The following KIF1B variants were observed in gnomAD, a reference collection of about 807,000 sequenced individuals.
KIF1B encodes kinesin-like protein KIF1B.
A neutral mutation model predicts 241.9 loss-of-function variants in KIF1B; 76 were observed. The ratio of observed to expected loss-of-function variants is 0.31; its 90% CI spans 0.26 to 0.38. KIF1B has a LOEUF of 0.38. Ranked by LOEUF, KIF1B falls within the 10% of genes least tolerant of loss-of-function variation. The probability of loss-of-function intolerance (pLI) is 1.00; values close to 1 mark genes in which losing one functional copy is unlikely to be tolerated. For synonymous variants in KIF1B, 750 were observed against 796.7 expected (o/e 0.94, Z 0.99); for missense variants, 1,622 against 2,271.4 (o/e 0.71, Z 5.81).
chr1:10,355,598 C>CTAA (rs1223021523), intron 38 of KIF1B, among the ~76,000 whole-genome samples: 1 of 152,104 alleles, frequency 6.6e-6, no homozygotes, highest in Non-Finnish European at 1.5e-5. Context: ...TTTTTCATTC[C>CTAA]ATTTGCTAAA....
chr1:10,347,655 G>A, intron 35 of KIF1B, 106 bp from the exon 36 acceptor site: 1 of 887,752 alleles, frequency 1.1e-6, no homozygotes, highest in South Asian at 1.3e-5. Flanking sequence ...GCCAGCATGG[G>A]TGAGAAAGAC....
At chr1:10,296,506 T>A (rs1339806139) in intron 19 of KIF1B, 76 bp from the exon 20 acceptor site, 7 of 1,239,790 alleles carry the variant, frequency 5.6e-6, no homozygotes, top group Non-Finnish European at 8.2e-6. Context: ...CTGCAAATCC[T>A]GATAAGCAAC....
At position 10,334,149 on chromosome 1, in the gene KIF1B, C is replaced by CAAAAA. The variant is rs372716443; in HGVS notation, c.2925-355_2925-351dup. On this transcript the variant is annotated intron_variant, in intron 27 of 48. Coordinates refer to ENST00000676179, the MANE Select transcript of KIF1B (RefSeq NM_001365951.3). ...CTGGCGACAGAGCGAGACTCTGTCT[C>CAAAAA]AAAAAAAAAAAAAAAAAAAAGGTTG... Among the ~76,000 whole-genome samples the CAAAAA allele has an allele frequency of 4.3e-3, 355 of 82,152 alleles. 3 individuals are homozygous for CAAAAA. Among genetic ancestry groups the CAAAAA allele is most frequent in the South Asian group, 6.9e-3 (14 of 2,026 alleles). The allele number at this position is 82,152 out of a possible 152,430, so 53.9% of individuals were successfully genotyped here.
rs778610644 is a variant in KIF1B, at chr1:10,303,318, A to T, written c.2115+6072A>T. ...CAAGCAGTGGGAAGAAACGTGAACCAATTAAAATGTATCAGATACCCCAAA... is the reference window on the plus strand; with the variant it reads ...CAAGCAGTGGGAAGAAACGTGAACCTATTAAAATGTATCAGATACCCCAAA... On this transcript the variant is annotated intron_variant, in intron 22 of 48. Coordinates refer to ENST00000676179, the MANE Select transcript of KIF1B (RefSeq NM_001365951.3). This position sits in a 1 kb window ranked among gnomAD's most constrained non-coding sequence, Gnocchi z 5.2. The T allele has an allele frequency of 2.5e-5, 40 of 1,614,226 alleles. No individual in the cohort carries two copies. The highest frequency in any genetic ancestry group is 3.4e-5 in the Non-Finnish European group (40 of 1,180,040).
In KIF1B at chr1:10,273,002, T is replaced by C. The variant is rs776038866; in HGVS notation, c.865-12T>C. 2 of 1,544,570 alleles carry C rather than the reference T, an allele frequency of 1.3e-6. No homozygotes were observed. The highest frequency in any genetic ancestry group is 2.4e-5 in the South Asian group (2 of 83,500). Reference sequence around the variant, plus strand: ...TGTTCTTATTTTCTCCTTTAAATGCTTTCACCTGTAGGATAACTGCACTAG... The same window carrying C: ...TGTTCTTATTTTCTCCTTTAAATGCCTTCACCTGTAGGATAACTGCACTAG... On this transcript the variant is annotated splice_polypyrimidine_tract_variant and intron_variant, in intron 9 of 48. Transcript: ENST00000676179.
At chr1:10,256,009 A>G (rs1647759486) in intron 2 of KIF1B, among the ~76,000 whole-genome samples, 1 of 149,558 alleles carries the variant, frequency 6.7e-6, no homozygotes, top group Non-Finnish European at 1.5e-5. Flanking sequence ...GGGTTTCACC[A>G]TGTTGCCCAG....
chr1:10,237,732 G>T (rs746801738), intron 2 of KIF1B, among the ~76,000 whole-genome samples: 5 of 152,142 alleles, frequency 3.3e-5, no homozygotes, highest in Non-Finnish European at 7.4e-5. Flanking sequence ...GGGGGTGGGT[G>T]CAGTGACTCA....
chr1:10,293,967 A>C (rs1407158437), intron 17 of KIF1B, among the ~76,000 whole-genome samples: 2 of 152,204 alleles, frequency 1.3e-5, no homozygotes, highest in African/African-American at 4.8e-5. Context: ...AAAGAATGCT[A>C]CTCACAAAGG....
At position 10,381,258 on chromosome 1, in the gene KIF1B, C is replaced by T. The variant is rs1467857138; in HGVS notation, c.*4671C>T. On this transcript the variant is annotated 3_prime_UTR_variant, in exon 49 of 49. Transcript: ENST00000676179. Reference sequence around the variant, plus strand: ...GTTGAGATTTCAAGTCTCTTGTCACCATCCTCACACATGACAACAAAACCC... The same window carrying T: ...GTTGAGATTTCAAGTCTCTTGTCACTATCCTCACACATGACAACAAAACCC... 5.3e-5 allele frequency: 12 copies of T among 225,724 alleles called. No individual in the cohort carries two copies. Among genetic ancestry groups the T allele is most frequent in the Non-Finnish European group, 1.1e-4 (12 of 113,182 alleles). 14.0% of individuals were successfully genotyped at this position (225,724 alleles called of 1,614,324 possible).
rs1486106678 is a variant in KIF1B at position 10,381,324 on chromosome 1, C to T, written c.*4737C>T. 1 of 226,520 alleles carries T rather than the reference C, an allele frequency of 4.4e-6. No individual in the cohort carries two copies. Among genetic ancestry groups the T allele is most frequent in the African/African-American group, 2.2e-5 (1 of 44,930 alleles). 14.0% of individuals were successfully genotyped at this position (226,520 alleles called of 1,614,324 possible). ...CCTTTTTGAACCAAGACTTTGCAAA[C>T]TGATCTCTCCCCCGTGAAGGAGTTG... On this transcript the variant is annotated 3_prime_UTR_variant, in exon 49 of 49. Transcript: ENST00000676179.
chr1:10,272,098 G>C lies in KIF1B; in HGVS notation c.799-143G>C, dbSNP rs555141049. On this transcript the variant is annotated intron_variant, in intron 8 of 48. Coordinates refer to ENST00000676179, the MANE Select transcript of KIF1B (RefSeq NM_001365951.3). ...GCATGTTATTATCAAGTGGAAAAGAGGACAGATGGAGGACTAAAGGTTGTT... is the reference window on the plus strand; with the variant it reads ...GCATGTTATTATCAAGTGGAAAAGACGACAGATGGAGGACTAAAGGTTGTT... 2.4e-4 allele frequency: 160 copies of C among 663,184 alleles called. 3 individuals carry two copies. The South Asian group carries it at 2.6e-3, about 11-fold the overall frequency. The allele number at this position is 663,184 out of a possible 1,614,324, so 41.1% of individuals were successfully genotyped here. A position where few individuals can be genotyped will look rare whatever the true frequency, so the allele number is the denominator to read the frequency against.
chr1:10,292,023 C>T, intron 16 of KIF1B, 24 bp from the exon 17 acceptor site: 1 of 1,601,364 alleles, frequency 6.2e-7, no homozygotes, highest in African/African-American at 1.3e-5. Flanking sequence ...TATTAGTGTT[C>T]TGATATACCT....
chr1:10,223,610 G>A (rs1044070189), intron 1 of KIF1B, among the ~76,000 whole-genome samples: 14 of 149,098 alleles, frequency 9.4e-5, no homozygotes, highest in African/African-American at 3.2e-4. Context: ...GCAGTGGTGC[G>A]ATCTTGGCTC....
chr1:10,336,454 G>A (rs895967407), intron 28 of KIF1B, among the ~76,000 whole-genome samples: 7 of 152,124 alleles, frequency 4.6e-5, no homozygotes, highest in African/African-American at 1.7e-4. Flanking sequence ...GCCTGAAACC[G>A]ATTCTTTATT....
chr1:10,311,908 C>G (rs1651083961), intron 22 of KIF1B, among the ~76,000 whole-genome samples: 1 of 151,464 alleles, frequency 6.6e-6, no homozygotes, highest in Non-Finnish European at 1.5e-5. Context: ...CATGTTTTGA[C>G]TCATTGAGTC....
chr1:10,373,272 T>C (rs1309007075), intron 45 of KIF1B, among the ~76,000 whole-genome samples: 2 of 147,078 alleles, frequency 1.4e-5, no homozygotes, highest in Non-Finnish European at 3.0e-5. Flanking sequence ...TTTTTTTTTT[T>C]TGAGACAGAG....
At chr1:10,321,410 A>AT (rs924335259) in intron 23 of KIF1B, among the ~76,000 whole-genome samples, 12 of 151,194 alleles carry the variant, frequency 7.9e-5, no homozygotes, top group Non-Finnish European at 1.6e-4. Flanking sequence ...AGCCAGGAGT[A>AT]TTTTTTTTTA....
chr1:10,294,266 TAGA>T (rs1650150203), intron 17 of KIF1B, among the ~76,000 whole-genome samples: 2 of 152,232 alleles, frequency 1.3e-5, no homozygotes, highest in South Asian at 4.1e-4. Flanking sequence ...AGAGGATTGT[TAGA>T]AGATGTTTAT....
At chr1:10,277,870 T>C in intron 12 of KIF1B, 116 bp from the exon 13 acceptor site, 2 of 899,034 alleles carry the variant, frequency 2.2e-6, no homozygotes, top group South Asian at 3.0e-5. Context: ...TGTATTATTA[T>C]CAAGGCTCAT....
Sources: allele counts gnomAD v4.1 joint callset (sites outside exome capture counted in the v4.1 genomes callset), GRCh38; gene constraint gnomAD v4.1.1; non-coding constraint Gnocchi (gnomAD v3.1); transcripts MANE v1.5; gene names NCBI Gene and HGNC (gene_info 2026-07-23, HGNC 2026-07-21).